The following SAMTOR variants were observed in gnomAD, a reference collection of about 807,000 sequenced individuals.
SAMTOR encodes UPF0532 protein C7orf60.
the SAMTOR span, among the ~76,000 whole-genome samples, chr7:112,908,938 C>T: frequency 6.6e-6 from 1 of 152,118 alleles, no homozygotes; most frequent in Non-Finnish European, 1.5e-5. Flanking sequence ...AAAGACCTCA[C>T]GTTTCATTAT....
the SAMTOR span, among the ~76,000 whole-genome samples, chr7:112,848,134 C>T: frequency 6.6e-6 from 1 of 152,044 alleles, no homozygotes; most frequent in Non-Finnish European, 1.5e-5. Flanking sequence ...GCCTGGGCAA[C>T]AGAGTGAGAC....
chr7:112,900,125 T>C, the SAMTOR span, among the ~76,000 whole-genome samples: 9 of 152,234 alleles, frequency 5.9e-5, no homozygotes, highest in Non-Finnish European at 1.0e-4. Context: ...TCTGTACATA[T>C]ATATATATAT....
chr7:112,855,135 G>T, the SAMTOR span, among the ~76,000 whole-genome samples: 1 of 152,106 alleles, frequency 6.6e-6, no homozygotes, highest in Non-Finnish European at 1.5e-5. Flanking sequence ...TTTCAGATGG[G>T]ATTAAAATAT....
the SAMTOR span, among the ~76,000 whole-genome samples, chr7:112,850,088 C>T: frequency 6.6e-6 from 1 of 152,104 alleles, no homozygotes; most frequent in Admixed American, 6.5e-5. Context: ...TGCCTGTAAT[C>T]CCAGCTACTT....
At chr7:112,844,323 A>G in the SAMTOR span, among the ~76,000 whole-genome samples, 2 of 152,248 alleles carry the variant, frequency 1.3e-5, no homozygotes, top group Non-Finnish European at 2.9e-5. Context: ...TATAATAGAA[A>G]GGAAGTCAAA....
chr7:112,879,764 C>T, the SAMTOR span, among the ~76,000 whole-genome samples: 1 of 152,124 alleles, frequency 6.6e-6, no homozygotes, highest in East Asian at 1.9e-4. Context: ...CATACATCTG[C>T]CATGCCCATA....
chr7:112,833,309 T>C, the SAMTOR span, among the ~76,000 whole-genome samples: 4 of 152,188 alleles, frequency 2.6e-5, no homozygotes, highest in Non-Finnish European at 5.9e-5. Flanking sequence ...CTTACCCTTA[T>C]TGGGCTATGG....
At chr7:112,908,610 TAC>T in the SAMTOR span, among the ~76,000 whole-genome samples, 1 of 152,074 alleles carries the variant, frequency 6.6e-6, no homozygotes, top group East Asian at 1.9e-4. Context: ...AAAAGAAAGG[TAC>T]AGAGTATATA....
chr7:112,820,772 G>A, the SAMTOR span: 2 of 152,042 alleles, frequency 1.3e-5, no homozygotes, highest in African/African-American at 4.8e-5. Context: ...ATCACCAACA[G>A]AGGGTTAATT....
chr7:112,890,909 T>G, the SAMTOR span, among the ~76,000 whole-genome samples: 1 of 152,082 alleles, frequency 6.6e-6, no homozygotes, highest in African/African-American at 2.4e-5. Flanking sequence ...AGGCTGGTCC[T>G]GAACTCCTGG....
the SAMTOR span, among the ~76,000 whole-genome samples, chr7:112,860,101 A>G: frequency 6.6e-6 from 1 of 152,196 alleles, no homozygotes; most frequent in African/African-American, 2.4e-5. Context: ...CTATGTTTAG[A>G]TACACAAATA....
the SAMTOR span, among the ~76,000 whole-genome samples, chr7:112,867,651 T>C: frequency 6.6e-6 from 1 of 152,348 alleles, no homozygotes; most frequent in South Asian, 2.1e-4. Flanking sequence ...ATAATGTTCC[T>C]GAATGGATAA....
At chr7:112,875,058 G>A in the SAMTOR span, among the ~76,000 whole-genome samples, 1 of 152,086 alleles carries the variant, frequency 6.6e-6, no homozygotes, top group Non-Finnish European at 1.5e-5. Context: ...TTGAGGTCTG[G>A]TATCACCCAT....
At chr7:112,858,757 T>C in the SAMTOR span, among the ~76,000 whole-genome samples, 1 of 152,202 alleles carries the variant, frequency 6.6e-6, no homozygotes, top group Non-Finnish European at 1.5e-5. Context: ...AAGTAGAGAA[T>C]ATATAATATT....
the SAMTOR span, among the ~76,000 whole-genome samples, chr7:112,904,664 A>G: frequency 6.6e-6 from 1 of 152,202 alleles, no homozygotes; most frequent in Non-Finnish European, 1.5e-5. Flanking sequence ...CAACAAATAC[A>G]CAAAAACTTG....
chr7:112,878,461 C>A, the SAMTOR span, among the ~76,000 whole-genome samples: 1 of 152,282 alleles, frequency 6.6e-6, no homozygotes, highest in Admixed American at 6.5e-5. Context: ...TCCTAGGGAT[C>A]CACAGAGCAC....
chr7:112,827,942 T>G, the SAMTOR span, among the ~76,000 whole-genome samples: 1 of 152,138 alleles, frequency 6.6e-6, no homozygotes, highest in African/African-American at 2.4e-5. Flanking sequence ...CTCAAGCTCC[T>G]GGGCTCAAGC....
chr7:112,928,365 G>C, the SAMTOR span, among the ~76,000 whole-genome samples: 1 of 151,766 alleles, frequency 6.6e-6, no homozygotes, highest in South Asian at 2.1e-4. Context: ...TTCTTCAAGA[G>C]GGTTTATCTG....
At chr7:112,841,090 C>T in the SAMTOR span, among the ~76,000 whole-genome samples, 36 of 151,878 alleles carry the variant, frequency 2.4e-4, no homozygotes, top group East Asian at 6.0e-3. Flanking sequence ...CAAGGCAATC[C>T]GGCAAGAGAA....
Sources: gnomAD v4.1 joint callset for allele counts (sites outside exome capture counted in the v4.1 genomes callset) on GRCh38, gnomAD v4.1.1 for gene constraint, MANE v1.5 for transcripts, NCBI Gene and HGNC (gene_info 2026-07-23, HGNC 2026-07-21) for gene names.